Variants in ABCC12 observed in about 807,000 individuals in gnomAD.
ABCC12 encodes the protein ATP-binding cassette sub-family C member 12.
ABCC12 carries 142 observed loss-of-function variants against 151.1 expected under a neutral mutation model. The ratio of observed to expected loss-of-function variants is 0.94; its 90% CI spans 0.82 to 1.08. The LOEUF is 1.08. ABCC12 is among the 50% of genes least tolerant of loss of function. The pLI, the probability that ABCC12 is intolerant of heterozygous loss-of-function variation, is 0.00. For synonymous variants in ABCC12, 645 were observed against 646.4 expected (o/e 1.00, Z 0.03); for missense variants, 1,638 against 1,691.1 (o/e 0.97, Z 0.55).
In ABCC12 at chr16:48,108,519, G is replaced by C; in HGVS notation, c.2292C>G (p.His764Gln). 1 of 1,614,060 alleles carries C rather than the reference G, an allele frequency of 6.2e-7. No homozygotes were observed. The highest frequency in any genetic ancestry group is 1.1e-5 in the South Asian group (1 of 91,046). Residue 764 changes from histidine to glutamine, a missense_variant, in exon 19 of 31, where the codon CAC (histidine) becomes CAG (glutamine). Transcript: ENST00000311303. The part of the protein sequence containing the change: ...SEFVDTKVPE[H>Q]QLIQTESPQE... ...GGGGGGATTCAGTCTGGATGAGCTG[G>C]TGCTCAGGAACTGTGGAGACAAACA...
chr16:48,126,491 G>T (rs1307274333), intron 11 of ABCC12, among the ~76,000 whole-genome samples: 3 of 152,218 alleles, frequency 2.0e-5, no homozygotes, highest in African/African-American at 7.2e-5. Context: ...TGGATGCCCT[G>T]TAGAACACTT....
intron 24 of ABCC12, 175 bp from the exon 25 acceptor site, chr16:48,091,384 G>T (rs1962888574): frequency 1.6e-6 from 1 of 618,976 alleles, no homozygotes. Flanking sequence ...ATTCCTGTTC[G>T]GGTGTTTTGC....
intron 6 of ABCC12, 25 bp from the exon 7 acceptor site, chr16:48,139,361 A>G (rs1964727169): frequency 6.4e-7 from 1 of 1,573,230 alleles, no homozygotes; most frequent in South Asian, 1.2e-5. Context: ...GCAAAGGTTC[A>G]GGCTTTGGAA....
intron 8 of ABCC12, among the ~76,000 whole-genome samples, chr16:48,136,289 C>T (rs1323746567): frequency 1.3e-5 from 2 of 152,136 alleles, no homozygotes; most frequent in African/African-American, 4.8e-5. Context: ...AGTGGGCTTC[C>T]CCAGTTCTCT....
intron 22 of ABCC12, among the ~76,000 whole-genome samples, chr16:48,103,220 G>A (rs577664020): frequency 4.6e-5 from 7 of 152,138 alleles, no homozygotes; most frequent in South Asian, 4.1e-4. Flanking sequence ...GGCTGGGCAC[G>A]TCTAGGAGCA....
intron 24 of ABCC12, 102 bp from the exon 25 acceptor site, chr16:48,091,311 C>G (rs1962884127): frequency 2.9e-6 from 3 of 1,037,698 alleles, no homozygotes; most frequent in Middle Eastern, 2.6e-4. Context: ...CCCTCCCCTG[C>G]CTAGCGCAAG....
Position 48,141,372 on chromosome 16 carries a change from A to T in ABCC12, c.276-19T>A. ...TCGAAATCTGTGATGAAAAAACAGA[A>T]GCATAAAATGGATTGGCACTTCTAT... On this transcript the variant is annotated intron_variant, in intron 4 of 30. Transcript: ENST00000311303. The T allele has an allele frequency of 6.2e-7, 1 of 1,613,532 alleles. No homozygotes were observed. The highest frequency in any genetic ancestry group is 8.5e-7 in the Non-Finnish European group (1 of 1,179,596).
intron 21 of ABCC12, 89 bp from the exon 22 acceptor site, chr16:48,104,457 G>C (rs926493613): frequency 2.4e-6 from 3 of 1,232,658 alleles, no homozygotes; most frequent in Non-Finnish European, 3.5e-6. Flanking sequence ...GTGAGCACAG[G>C]GCCTGACCTT....
chr16:48,152,348 A>T (rs1355249958), intron 2 of ABCC12, among the ~76,000 whole-genome samples: 1 of 152,166 alleles, frequency 6.6e-6, no homozygotes, highest in Non-Finnish European at 1.5e-5. Flanking sequence ...ATCGGAAGCA[A>T]GAAAAGAAGC....
rs530748195 is a variant in ABCC12 at position 48,082,268 on chromosome 16, G to A, written c.*1447C>T. Among the ~76,000 whole-genome samples the A allele has an allele frequency of 1.3e-5, 2 of 152,306 alleles. No homozygotes were observed. The highest frequency in any genetic ancestry group is 4.8e-5 in the African/African-American group (2 of 41,564). ...GCCAGGGCTTTCATGCAGTTGCCAG[G>A]TTATAAGCTCTACCTAAGGCCAGGT... On this transcript the variant is annotated 3_prime_UTR_variant, in exon 31 of 31. Coordinates refer to ENST00000311303, the MANE Select transcript of ABCC12 (RefSeq NM_001393797.1).
chr16:48,134,684 C>G (rs1964546755), intron 8 of ABCC12, among the ~76,000 whole-genome samples: 1 of 152,192 alleles, frequency 6.6e-6, no homozygotes, highest in Non-Finnish European at 1.5e-5. Context: ...TTAGACAAAG[C>G]TTCCTTTCCT....
chr16:48,152,588 G>C (rs1488991569), intron 2 of ABCC12, among the ~76,000 whole-genome samples: 2 of 152,218 alleles, frequency 1.3e-5, no homozygotes, highest in Admixed American at 1.3e-4. Context: ...AAACCCAGCT[G>C]AAATTATTTG....
intron 18 of ABCC12, among the ~76,000 whole-genome samples, chr16:48,109,195 G>C (rs1963601987): frequency 6.6e-6 from 1 of 152,166 alleles, no homozygotes; most frequent in Admixed American, 6.5e-5. Flanking sequence ...ATCTGCTACA[G>C]AGTGAGCAAG....
chr16:48,088,113 A>C (rs756189366), intron 26 of ABCC12, 28 bp from the exon 27 acceptor site: 1 of 1,608,252 alleles, frequency 6.2e-7, no homozygotes, highest in Admixed American at 1.7e-5. Flanking sequence ...AAGAACAACA[A>C]ATCAAACATC....
At chr16:48,148,932 A>G (rs1240760891) in intron 2 of ABCC12, among the ~76,000 whole-genome samples, 1 of 152,026 alleles carries the variant, frequency 6.6e-6, no homozygotes, top group Non-Finnish European at 1.5e-5. Flanking sequence ...GTTTGCAGCT[A>G]TATTTCCAAT....
intron 2 of ABCC12, 138 bp from the exon 3 acceptor site, chr16:48,146,612 A>G: frequency 1.7e-6 from 1 of 580,408 alleles, no homozygotes; most frequent in Non-Finnish European, 3.1e-6. Context: ...CCACATTTGT[A>G]GGGGAGTGTG....
At chr16:48,121,648 G>A (rs1220250202) in intron 13 of ABCC12, 68 bp downstream of exon 13, 10 of 1,584,968 alleles carry the variant, frequency 6.3e-6, no homozygotes, top group Non-Finnish European at 8.6e-6. Flanking sequence ...ATTACCAACA[G>A]CATCAGCATC....
chr16:48,151,294 T>C (rs886309104), intron 2 of ABCC12, among the ~76,000 whole-genome samples: 1 of 152,098 alleles, frequency 6.6e-6, no homozygotes, highest in African/African-American at 2.4e-5. Context: ...CGAATCCCAA[T>C]TGAGGGACAG....
Position 48,088,716 on chromosome 16 carries a change from T to C in ABCC12, c.3304A>G (p.Thr1102Ala). 6.2e-7 allele frequency: 1 copy of C among 1,613,494 alleles called. No homozygotes were observed. Among genetic ancestry groups the C allele is most frequent in the South Asian group, 1.1e-5 (1 of 90,928 alleles). ...CAGGTCCCCACTTTGAGGGGATGAGTGCATTCAGGAACACAGGTCTGTAAA... is the reference window on the plus strand; with the variant it reads ...CAGGTCCCCACTTTGAGGGGATGAGCGCATTCAGGAACACAGGTCTGTAAA... ...EYISTCVPEC[T>A]HPLKVGTCPK... is the part of the protein sequence containing the mutation. The change falls in exon 26 of 31, where the codon ACT (threonine) becomes GCT (alanine). Residue 1102 changes from threonine to alanine, a missense_variant. Coordinates refer to ENST00000311303, the MANE Select transcript of ABCC12 (RefSeq NM_001393797.1).
Sources: allele counts gnomAD v4.1 joint callset (sites outside exome capture counted in the v4.1 genomes callset), GRCh38; gene constraint gnomAD v4.1.1; transcripts MANE v1.5; gene names NCBI Gene and HGNC (gene_info 2026-07-23, HGNC 2026-07-21).